PDS5A: variants seen among roughly 807,000 people sequenced by gnomAD.
PDS5A encodes PDS5 cohesin associated factor A.
Under a neutral mutation model 167.1 loss-of-function variants are expected in PDS5A, and 42 were observed. The ratio of observed to expected loss-of-function variants is 0.25; its 90% CI spans 0.20 to 0.33. PDS5A has a LOEUF of 0.33. Among genes scored for constraint, PDS5A ranks in the 10% least tolerant of loss-of-function variants. PDS5A has a pLI of 1.00. For synonymous variants in PDS5A, 553 were observed against 554.6 expected (o/e 1.00, Z 0.04); for missense variants, 1,033 against 1,605.9 (o/e 0.64, Z 6.10).
chr4:39,855,378 A>G (rs971306763), intron 26 of PDS5A, among the ~76,000 whole-genome samples: 1 of 152,194 alleles, frequency 6.6e-6, no homozygotes, highest in Non-Finnish European at 1.5e-5. Flanking sequence ...GAGAGGAAGA[A>G]CCAGATTTTT....
chr4:39,948,210 C>CAAAAA (rs35177594), intron 2 of PDS5A, among the ~76,000 whole-genome samples: 9 of 96,420 alleles, frequency 9.3e-5, no homozygotes, highest in East Asian at 2.7e-4. Context: ...TATCCCGTCT[C>CAAAAA]AAAAAAAAAA....
At chr4:39,921,934 T>C (rs1165154400) in intron 6 of PDS5A, among the ~76,000 whole-genome samples, 1 of 152,250 alleles carries the variant, frequency 6.6e-6, no homozygotes, top group Non-Finnish European at 1.5e-5. Flanking sequence ...TAAAATTAAT[T>C]ATATCTTTCT....
intron 18 of PDS5A, among the ~76,000 whole-genome samples, chr4:39,879,276 C>T (rs1218862394): frequency 6.6e-6 from 1 of 152,270 alleles, no homozygotes; most frequent in African/African-American, 2.4e-5. Context: ...TGGCACTCGA[C>T]AATCTGGAAC....
At chr4:39,883,646 C>A (rs930786496) in intron 17 of PDS5A, among the ~76,000 whole-genome samples, 1 of 151,846 alleles carries the variant, frequency 6.6e-6, no homozygotes, top group African/African-American at 2.4e-5. Flanking sequence ...TTGTTTTTGT[C>A]TTTTTTTGAG....
chr4:39,916,967 T>A (rs1724449296), intron 8 of PDS5A, 81 bp downstream of exon 8: 2 of 751,976 alleles, frequency 2.7e-6, no homozygotes, highest in Non-Finnish European at 2.0e-6. Context: ...TTAAAGGGCA[T>A]GAAAATTGGT....
intron 13 of PDS5A, among the ~76,000 whole-genome samples, chr4:39,901,219 T>A (rs1168611381): frequency 6.6e-6 from 1 of 151,898 alleles, no homozygotes; most frequent in African/African-American, 2.4e-5. Flanking sequence ...TACAACACTA[T>A]CGTAATAGAA....
intron 2 of PDS5A, among the ~76,000 whole-genome samples, chr4:39,938,254 G>C (rs1726836707): frequency 6.6e-6 from 1 of 152,170 alleles, no homozygotes; most frequent in Non-Finnish European, 1.5e-5. Flanking sequence ...ATTAAATTCT[G>C]TTAAATTTAA....
At chr4:39,861,992 A>G (rs1719041983) in intron 26 of PDS5A, among the ~76,000 whole-genome samples, 1 of 152,182 alleles carries the variant, frequency 6.6e-6, no homozygotes, top group Admixed American at 6.5e-5. Context: ...TATTTCAAAG[A>G]CTTAGATAGC....
At chr4:39,864,860 A>T (rs909984907) in intron 23 of PDS5A, among the ~76,000 whole-genome samples, 2 of 152,230 alleles carry the variant, frequency 1.3e-5, no homozygotes, top group African/African-American at 4.8e-5. Context: ...TATGATATCC[A>T]GTTAGGATCT....
chr4:39,852,024 G>C (rs1351211368), intron 26 of PDS5A, among the ~76,000 whole-genome samples: 1 of 152,162 alleles, frequency 6.6e-6, no homozygotes, highest in African/African-American at 2.4e-5. Context: ...TAAAATACTT[G>C]AATGTACATC....
In PDS5A at chr4:39,838,081, G is replaced by C. The variant is rs1716598033; in HGVS notation, c.3785C>G (p.Pro1262Arg). The C allele has an allele frequency of 6.2e-7, 1 of 1,613,816 alleles. No homozygotes were observed. Among genetic ancestry groups the C allele is most frequent in the South Asian group, 1.1e-5 (1 of 91,072 alleles). The change falls in exon 32 of 33, where the codon CCT becomes CGT. Residue 1262 changes from proline to arginine, a missense_variant. By Grantham distance (103) the Pro-to-Arg change is moderately radical (BLOSUM62 -2). This residue lies in a region of PDS5A where 233 missense variants were observed against 264.0 expected (regional missense o/e 0.88). Coordinates refer to ENST00000303538, the MANE Select transcript of PDS5A (RefSeq NM_001100399.2). ...KTDEKVDESGPPAPSKPRRGR... is the reference protein window; with the variant it reads ...KTDEKVDESGRPAPSKPRRGR... ...TCTCCTGGGTTTGGAAGGGGCGGGAGGTCCCGATTCATCTACTTTCTCATC... is the reference window on the plus strand; with the variant it reads ...TCTCCTGGGTTTGGAAGGGGCGGGACGTCCCGATTCATCTACTTTCTCATC...
At chr4:39,927,001 A>G (rs983002397) in intron 3 of PDS5A, 140 bp from the exon 4 acceptor site, 14 of 658,870 alleles carry the variant, frequency 2.1e-5, no homozygotes, top group African/African-American at 3.8e-5. Context: ...GGATTGGCCT[A>G]ATCCATTATT....
At chr4:39,830,259 G>T (rs1715736669) in intron 32 of PDS5A, among the ~76,000 whole-genome samples, 2 of 152,062 alleles carry the variant, frequency 1.3e-5, no homozygotes, top group Non-Finnish European at 1.5e-5. Flanking sequence ...GCACTATCAT[G>T]GCCCACTGGA....
intron 6 of PDS5A, among the ~76,000 whole-genome samples, chr4:39,921,323 A>G (rs1473039734): frequency 1.3e-5 from 2 of 152,194 alleles, no homozygotes; most frequent in Non-Finnish European, 2.9e-5. Flanking sequence ...TCTGATCAAC[A>G]AGCCATAGCT....
intron 26 of PDS5A, among the ~76,000 whole-genome samples, chr4:39,853,001 C>G (rs1230793490): frequency 6.6e-6 from 1 of 152,094 alleles, no homozygotes; most frequent in African/African-American, 2.4e-5. Flanking sequence ...CTGCAGCCTA[C>G]CTCCTGGGCT....
rs1281037941 is a variant in PDS5A at position 39,823,562 on chromosome 4, TTGTC to T, written c.*1919_*1922del. On this transcript the variant is annotated 3_prime_UTR_variant, in exon 33 of 33. Coordinates refer to ENST00000303538, the MANE Select transcript of PDS5A (RefSeq NM_001100399.2). ...CACACTGGAAACCTTAGGAATCAAG[TTGTC>T]TGATGCTAAGAGAACTTTAAACTCT... 2 of 152,614 alleles carry T rather than the reference TTGTC, an allele frequency of 1.3e-5. No individual in the cohort carries two copies. Among genetic ancestry groups the T allele is most frequent in the African/African-American group, 4.8e-5 (2 of 41,448 alleles). 9.5% of individuals were successfully genotyped at this position (152,614 alleles called of 1,614,324 possible).
At chr4:39,917,692 A>G (rs985956353) in intron 7 of PDS5A, among the ~76,000 whole-genome samples, 4 of 152,028 alleles carry the variant, frequency 2.6e-5, no homozygotes, top group Non-Finnish European at 4.4e-5. Flanking sequence ...CTCCTGCCTC[A>G]ATCTCTCGAG....
At chr4:39,954,691 AAAAAAAC>A (rs1006292283) in intron 2 of PDS5A, among the ~76,000 whole-genome samples, 1 of 151,210 alleles carries the variant, frequency 6.6e-6, no homozygotes, top group Non-Finnish European at 1.5e-5. Context: ...AAAAAAAAAA[AAAAAAAC>A]AGAAACAGAG....
rs758078699 is a variant in PDS5A, at chr4:39,866,923, G to C, written c.2580C>G (p.Thr860=). Residue 860 remains threonine (T), a synonymous_variant, in exon 23 of 33, where the codon ACC becomes ACG. Coordinates refer to ENST00000303538, the MANE Select transcript of PDS5A (RefSeq NM_001100399.2). ...KNNQSKSANS[T]LRLLSAMLVS... is the part of the protein sequence containing the mutation. ...CCAACATCGCTGATAATAACCGAAG[G>C]GTTGAATTGGCAGATTTAGACTGGT... is the stretch of plus-strand genomic sequence containing the variant. 3 of 1,612,920 alleles carry C rather than the reference G, an allele frequency of 1.9e-6. No homozygotes were observed. Among genetic ancestry groups the C allele is most frequent in the Non-Finnish European group, 2.5e-6 (3 of 1,179,280 alleles).
Sources: gnomAD v4.1 joint callset for allele counts (sites outside exome capture counted in the v4.1 genomes callset) on GRCh38, gnomAD v4.1.1 for gene constraint, gnomAD v4.1.1 regional missense constraint, MANE v1.5 for transcripts, NCBI Gene and HGNC (gene_info 2026-07-23, HGNC 2026-07-21) for gene names.